STIM2: variants seen among roughly 807,000 people sequenced by gnomAD.
The protein encoded by STIM2 is stromal interaction molecule 2.
A neutral mutation model predicts 85.8 loss-of-function variants in STIM2; 31 were observed. The observed-to-expected ratio is 0.36, with a 90% CI of 0.27 to 0.49. The LOEUF (loss-of-function observed/expected upper bound fraction) is 0.49, where lower values mean the gene tolerates loss of function less well. Ranked by LOEUF, STIM2 falls within the 20% of genes least tolerant of loss-of-function variation. The probability of loss-of-function intolerance (pLI) is 0.98; values close to 1 mark genes in which losing one functional copy is unlikely to be tolerated. For synonymous variants in STIM2, 356 were observed against 331.1 expected (o/e 1.08, Z -0.82); for missense variants, 841 against 927.6 (o/e 0.91, Z 1.21).
intron 2 of STIM2, among the ~76,000 whole-genome samples, chr4:26,954,031 A>G (rs1163064294): frequency 3.7e-5 from 5 of 135,100 alleles, no homozygotes; most frequent in Non-Finnish European, 6.6e-5. Flanking sequence ...AGACACACAC[A>G]GGGATCTACA....
intron 11 of STIM2, chr4:27,020,955 A>T (rs1310655253): frequency 6.6e-7 from 1 of 1,508,568 alleles, no homozygotes. Flanking sequence ...TTTTACCTTG[A>T]CTCTCCCTTT....
chr4:26,887,067 A>G (rs1368209576), intron 1 of STIM2, among the ~76,000 whole-genome samples: 2 of 152,198 alleles, frequency 1.3e-5, no homozygotes, highest in South Asian at 2.1e-4. Flanking sequence ...AAGTAAAGAC[A>G]TAAAAGCTTA....
Position 26,955,956 on chromosome 4 carries a change from C to A in STIM2, c.283-1656C>A, listed in dbSNP as rs189837083. Among the ~76,000 whole-genome samples, 3 of 152,262 alleles carry A rather than the reference C, an allele frequency of 2.0e-5. No individual in the cohort carries two copies. In the East Asian group the frequency reaches 5.8e-4, roughly 29 times the overall value. ...GTTAAATGATTTGCTCAATATTATACAATTGTTAAAATTTTCTTTTTTAGT... is the reference window on the plus strand; with the variant it reads ...GTTAAATGATTTGCTCAATATTATAAAATTGTTAAAATTTTCTTTTTTAGT... On this transcript the variant is annotated intron_variant, in intron 2 of 11. Transcript: ENST00000467087.
At chr4:26,933,800 T>A (rs1477408827) in intron 2 of STIM2, among the ~76,000 whole-genome samples, 3 of 151,498 alleles carry the variant, frequency 2.0e-5, no homozygotes, top group Non-Finnish European at 2.9e-5. Context: ...GATATAATTT[T>A]AAAATAAATA....
chr4:27,007,454 T>TA lies in STIM2; in HGVS notation c.982-78dup. On this transcript the variant is annotated intron_variant, in intron 7 of 11. Transcript: ENST00000467087. ...AATTAAAATAGCTTTTTTTTTTTTT[T>TA]AGTTTGGGTTCTAAAAAATATTTTA... The TA allele has an allele frequency of 1.1e-5, 11 of 1,008,382 alleles. No homozygotes were observed. The South Asian group carries it at 2.8e-4, about 26-fold the overall frequency. The allele number at this position is 1,008,382 out of a possible 1,614,324, so 62.5% of individuals were successfully genotyped here.
intron 1 of STIM2, among the ~76,000 whole-genome samples, chr4:26,888,436 A>G (rs1723339004): frequency 6.6e-6 from 1 of 152,232 alleles, no homozygotes; most frequent in East Asian, 1.9e-4. Flanking sequence ...ATCTTATGTC[A>G]GATGATAAAG....
chr4:26,957,013 T>C (rs572305722), intron 2 of STIM2, among the ~76,000 whole-genome samples: 1 of 152,242 alleles, frequency 6.6e-6, no homozygotes, highest in African/African-American at 2.4e-5. Context: ...TTGGTGTCTG[T>C]GGGGGATTAG....
intron 3 of STIM2, among the ~76,000 whole-genome samples, chr4:26,974,952 C>T (rs1438185729): frequency 1.3e-5 from 2 of 152,018 alleles, no homozygotes; most frequent in Non-Finnish European, 2.9e-5. Context: ...ACTCTTTTTT[C>T]TCTGACCTTG....
intron 1 of STIM2, chr4:26,874,296 C>A: frequency 2.6e-6 from 1 of 384,936 alleles, no homozygotes. Flanking sequence ...GCTCCTGGTA[C>A]TGGAGAGATC....
intron 4 of STIM2, among the ~76,000 whole-genome samples, 173 bp downstream of exon 4, chr4:26,995,663 T>C (rs1016722298): frequency 6.6e-6 from 1 of 152,124 alleles, no homozygotes; most frequent in Non-Finnish European, 1.5e-5. Flanking sequence ...TAATCAATTT[T>C]TCTTGTCTAA....
chr4:26,902,865 C>T (rs958360741), intron 1 of STIM2, among the ~76,000 whole-genome samples: 12 of 152,042 alleles, frequency 7.9e-5, no homozygotes, highest in African/African-American at 2.4e-4. Flanking sequence ...GAACACTCTT[C>T]CTGTTGTTTA....
At chr4:27,011,152 C>T (rs1187840027) in intron 10 of STIM2, among the ~76,000 whole-genome samples, 1 of 152,130 alleles carries the variant, frequency 6.6e-6, no homozygotes, top group African/African-American at 2.4e-5. Flanking sequence ...ATGCTAAAGC[C>T]TGTTGTACTT....
chr4:26,868,862 A>G lies in STIM2; in HGVS notation c.151+7493A>G, dbSNP rs184345069. ...TTAGCTCTTATTTCTGCTTTGCCACACATATTCAGACTGTATTAATCCTCG... is the reference window on the plus strand; with the variant it reads ...TTAGCTCTTATTTCTGCTTTGCCACGCATATTCAGACTGTATTAATCCTCG... On this transcript the variant is annotated intron_variant, in intron 1 of 11. Transcript: ENST00000467087. Among the ~76,000 whole-genome samples, 669 of 152,274 alleles carry G rather than the reference A, an allele frequency of 4.4e-3. 8 individuals carry two copies. The highest frequency in any genetic ancestry group is 0.016 in the African/African-American group (648 of 41,544).
At chr4:26,910,612 G>A (rs900096867) in intron 1 of STIM2, among the ~76,000 whole-genome samples, 3 of 152,158 alleles carry the variant, frequency 2.0e-5, no homozygotes, top group African/African-American at 4.8e-5. Flanking sequence ...AAATACAGCT[G>A]TATGAATACA....
intron 3 of STIM2, among the ~76,000 whole-genome samples, chr4:26,971,961 T>G (rs140560183): frequency 0.019 from 2,916 of 152,272 alleles, 102 homozygotes; most frequent in African/African-American, 0.067. Context: ...TTCCCATCCC[T>G]TGTAAATTGG....
At chr4:26,965,006 A>G (rs970091896) in intron 3 of STIM2, among the ~76,000 whole-genome samples, 3 of 152,190 alleles carry the variant, frequency 2.0e-5, no homozygotes, top group African/African-American at 7.2e-5. Flanking sequence ...AGCATTGAAA[A>G]AACACAAGGC....
chr4:27,020,852 G>A (rs1728885570), intron 11 of STIM2: 1 of 617,000 alleles, frequency 1.6e-6, no homozygotes, highest in African/African-American at 1.8e-5. Context: ...ACCTGGCCTA[G>A]TTCCAGCTGC....
chr4:27,013,425 C>T (rs1289678155), intron 10 of STIM2, among the ~76,000 whole-genome samples: 1 of 151,894 alleles, frequency 6.6e-6, no homozygotes, highest in Non-Finnish European at 1.5e-5. Flanking sequence ...TTGGGACTAT[C>T]CATGGTTTCA....
At chr4:26,899,895 T>C (rs546858472) in intron 1 of STIM2, among the ~76,000 whole-genome samples, 1 of 152,200 alleles carries the variant, frequency 6.6e-6, no homozygotes, top group Non-Finnish European at 1.5e-5. Flanking sequence ...TGAAGGGCTT[T>C]TGAGCTAGGT....
Sources: gnomAD v4.1 joint callset for allele counts (sites outside exome capture counted in the v4.1 genomes callset) on GRCh38, gnomAD v4.1.1 for gene constraint, MANE v1.5 for transcripts, NCBI Gene and HGNC (gene_info 2026-07-23, HGNC 2026-07-21) for gene names.